The following CNTNAP2 variants were observed in gnomAD, a reference collection of about 807,000 sequenced individuals.
CNTNAP2 encodes the protein contactin-associated protein-like 2.
In CNTNAP2, 98 loss-of-function variants were observed where a neutral mutation model predicts 155.2. The ratio of observed to expected loss-of-function variants is 0.63; its 90% CI spans 0.54 to 0.75. The LOEUF (loss-of-function observed/expected upper bound fraction) is 0.75, where lower values mean the gene tolerates loss of function less well. Among genes scored for constraint, CNTNAP2 ranks in the 30% least tolerant of loss-of-function variants. CNTNAP2 has a pLI of 0.00. For missense variants in CNTNAP2, 1,727 were observed against 1,688.1 expected (o/e 1.02, Z -0.40); for synonymous variants, 651 against 631.2 (o/e 1.03, Z -0.47).
intron 1 of CNTNAP2, among the ~76,000 whole-genome samples, chr7:146,498,110 G>A (rs1180356698): frequency 1.3e-5 from 2 of 151,844 alleles, no homozygotes; most frequent in Non-Finnish European, 2.9e-5. Context: ...TTCAGAAGCA[G>A]GAAATACATC....
At chr7:148,150,150 C>T (rs1445325685) in intron 17 of CNTNAP2, among the ~76,000 whole-genome samples, 4 of 149,484 alleles carry the variant, frequency 2.7e-5, no homozygotes, top group East Asian at 2.0e-4. Context: ...CGGTGGCTCA[C>T]GCCTATAATC....
intron 9 of CNTNAP2, among the ~76,000 whole-genome samples, chr7:147,352,749 G>A (rs1046394294): frequency 6.6e-6 from 1 of 151,786 alleles, no homozygotes; most frequent in Non-Finnish European, 1.5e-5. Context: ...TCTGTTTCAA[G>A]GGCAAAAGTA....
rs2116781667 is a variant in CNTNAP2, at chr7:147,921,892, G to C, written c.2255+18171G>C. 2.0e-5 allele frequency among the ~76,000 whole-genome samples: 3 copies of C among 152,226 alleles called. No homozygotes were observed. The South Asian group carries it at 6.2e-4, about 32-fold the overall frequency. On this transcript the variant is annotated intron_variant, in intron 14 of 23. Coordinates refer to ENST00000361727, the MANE Select transcript of CNTNAP2 (RefSeq NM_014141.6). ...GCACAAAGGCAGGATATCAATATGGGGGGTAGGAATTCAATGGTGAGTAAC... is the reference window on the plus strand; with the variant it reads ...GCACAAAGGCAGGATATCAATATGGCGGGTAGGAATTCAATGGTGAGTAAC...
At chr7:146,946,025 T>C (rs1486862920) in intron 3 of CNTNAP2, among the ~76,000 whole-genome samples, 2 of 152,118 alleles carry the variant, frequency 1.3e-5, no homozygotes, top group East Asian at 1.9e-4. Flanking sequence ...GTGGGTTTTC[T>C]ACCAATAAGT....
At chr7:146,727,886 C>A (rs1801458404) in intron 1 of CNTNAP2, among the ~76,000 whole-genome samples, 1 of 152,086 alleles carries the variant, frequency 6.6e-6, no homozygotes, top group African/African-American at 2.4e-5. Flanking sequence ...CCTAGATGTC[C>A]ATTGAAGTAC....
intron 1 of CNTNAP2, among the ~76,000 whole-genome samples, chr7:146,595,766 G>A (rs191223900): frequency 6.6e-6 from 1 of 152,010 alleles, no homozygotes; most frequent in Non-Finnish European, 1.5e-5. Context: ...TGATGGTAGA[G>A]CAGTATCTTA....
chr7:148,110,067 G>A (rs1439375240), intron 15 of CNTNAP2, among the ~76,000 whole-genome samples: 1 of 150,136 alleles, frequency 6.7e-6, no homozygotes, highest in Non-Finnish European at 1.5e-5. Flanking sequence ...TCATTATCTT[G>A]CCATGTTTCA....
At chr7:147,213,043 T>A (rs1803191102) in intron 8 of CNTNAP2, among the ~76,000 whole-genome samples, 1 of 152,140 alleles carries the variant, frequency 6.6e-6, no homozygotes, top group African/African-American at 2.4e-5. Context: ...ACACACACAC[T>A]CACACACATG....
In CNTNAP2 at chr7:147,320,615, A is replaced by G. The variant is rs890658164; in HGVS notation, c.1498+20325A>G. 6.6e-5 allele frequency among the ~76,000 whole-genome samples: 10 copies of G among 152,320 alleles called. 1 individual carries two copies. The highest frequency in any genetic ancestry group is 3.9e-4 in the Admixed American group (6 of 15,292). On this transcript the variant is annotated intron_variant, in intron 9 of 23. Transcript: ENST00000361727. ...GTCAAGGTTTCATTTCTTGTGGTAG[A>G]GTAGTATATAAATTAAAAACCTGTT...
rs73452049 is a variant in CNTNAP2 at position 146,154,435 on chromosome 7, C to A, written c.97+37462C>A. ...CAGAACAAATACTTCAGTAAAACTTCTTCTGCACTTTCTTAGACAAAGACA... is the reference window on the plus strand; with the variant it reads ...CAGAACAAATACTTCAGTAAAACTTATTCTGCACTTTCTTAGACAAAGACA... On this transcript the variant is annotated intron_variant, in intron 1 of 23. Coordinates refer to ENST00000361727, the MANE Select transcript of CNTNAP2 (RefSeq NM_014141.6). Among the ~76,000 whole-genome samples, 736 of 152,288 alleles carry A rather than the reference C, an allele frequency of 4.8e-3. 7 individuals are homozygous for A. Among genetic ancestry groups the A allele is most frequent in the African/African-American group, 0.017 (700 of 41,560 alleles).
intron 11 of CNTNAP2, among the ~76,000 whole-genome samples, chr7:147,535,024 G>A (rs916944386): frequency 3.9e-5 from 6 of 151,984 alleles, no homozygotes; most frequent in Admixed American, 1.3e-4. Flanking sequence ...GCCTACCCAC[G>A]CCCTACCCCA....
At chr7:148,317,903 A>G (rs1797719701) in intron 21 of CNTNAP2, among the ~76,000 whole-genome samples, 1 of 152,040 alleles carries the variant, frequency 6.6e-6, no homozygotes, top group Non-Finnish European at 1.5e-5. Context: ...CCATGGTCTC[A>G]ATCTCCTGAC....
intron 22 of CNTNAP2, among the ~76,000 whole-genome samples, chr7:148,393,312 ATTATG>A (rs1289475407): frequency 1.3e-5 from 2 of 152,072 alleles, no homozygotes; most frequent in African/African-American, 2.4e-5. Context: ...CAGTCTTTTT[ATTATG>A]TTATTTGTCT....
chr7:147,469,248 C>G (rs1798170399), intron 10 of CNTNAP2, among the ~76,000 whole-genome samples: 1 of 152,132 alleles, frequency 6.6e-6, no homozygotes, highest in Non-Finnish European at 1.5e-5. Flanking sequence ...CAGTTCAATT[C>G]CGTGTCCGTT....
intron 1 of CNTNAP2, among the ~76,000 whole-genome samples, chr7:146,250,534 A>G (rs1258764909): frequency 1.3e-5 from 2 of 152,168 alleles, no homozygotes; most frequent in African/African-American, 4.8e-5. Context: ...CTCTCTTACT[A>G]TGGCCAGCTT....
chr7:146,294,751 A>G (rs568646964), intron 1 of CNTNAP2, among the ~76,000 whole-genome samples: 7 of 152,304 alleles, frequency 4.6e-5, no homozygotes, highest in East Asian at 3.9e-4. Flanking sequence ...AGTAGTAGTC[A>G]TTTCATACTT....
At chr7:146,478,242 A>G (rs756475774) in intron 1 of CNTNAP2, among the ~76,000 whole-genome samples, 16 of 152,094 alleles carry the variant, frequency 1.1e-4, no homozygotes, top group Admixed American at 6.5e-5. Context: ...GAGAGACAAA[A>G]ATGAATGCAG....
At chr7:146,395,991 A>C (rs1639481) in intron 1 of CNTNAP2, among the ~76,000 whole-genome samples, 1 of 151,690 alleles carries the variant, frequency 6.6e-6, no homozygotes, top group African/African-American at 2.4e-5. Context: ...CTGTACTGTC[A>C]CAAATTTCAG....
intron 1 of CNTNAP2, among the ~76,000 whole-genome samples, chr7:146,181,660 G>T (rs1423991277): frequency 6.6e-6 from 1 of 152,082 alleles, no homozygotes; most frequent in Non-Finnish European, 1.5e-5. Context: ...AGTATTATAT[G>T]GAATTTTGCT....
Sources: allele counts gnomAD v4.1 joint callset (sites outside exome capture counted in the v4.1 genomes callset), GRCh38; gene constraint gnomAD v4.1.1; transcripts MANE v1.5; gene names NCBI Gene and HGNC (gene_info 2026-07-23, HGNC 2026-07-21).